Variants in SHBG observed in about 807,000 individuals in gnomAD.
SHBG encodes the protein sex hormone binding globulin.
SHBG carries 37 observed loss-of-function variants against 41.9 expected under a neutral mutation model. The ratio of observed to expected loss-of-function variants is 0.88; its 90% CI spans 0.68 to 1.16. The LOEUF is 1.16. SHBG is among the 50% of genes most tolerant of loss of function. SHBG has a pLI of 0.00. For missense variants in SHBG, 466 were observed against 499.9 expected, an observed-to-expected ratio of 0.93 and a Z score of 0.65; for synonymous variants, 217 against 205.8, an observed-to-expected ratio of 1.05 and a Z score of -0.47.
intron 1 of SHBG, among the ~76,000 whole-genome samples, chr17:7,616,569 G>A (rs2071995243): frequency 6.6e-6 from 1 of 151,702 alleles, no homozygotes; most frequent in Admixed American, 6.6e-5. Context: ...AGGTTGCAGT[G>A]AGCGGAGATC....
chr17:7,615,208 A>G (rs2071948800), intron 1 of SHBG, among the ~76,000 whole-genome samples: 1 of 151,764 alleles, frequency 6.6e-6, no homozygotes, highest in Non-Finnish European at 1.5e-5. Flanking sequence ...GCACAGTCAC[A>G]CAGCGCTCAG....
intron 1 of SHBG, among the ~76,000 whole-genome samples, chr17:7,616,890 T>C (rs1239322361): frequency 6.6e-6 from 1 of 151,926 alleles, no homozygotes; most frequent in African/African-American, 2.4e-5. Context: ...GAGCCCAGAT[T>C]GTGCCATTGC....
chr17:7,617,759 C>A (rs1401905375), intron 1 of SHBG, among the ~76,000 whole-genome samples: 3 of 152,074 alleles, frequency 2.0e-5, no homozygotes, highest in Non-Finnish European at 4.4e-5. Flanking sequence ...AGGATAAAAT[C>A]ATCTAAAATC....
In SHBG at chr17:7,630,381, C is replaced by T. The variant is rs773087285; in HGVS notation, c.112-35C>T. On this transcript the variant is annotated intron_variant, in intron 1 of 7. Transcript: ENST00000380450. The surrounding 1 kb of genome is among the most constrained non-coding windows in gnomAD (Gnocchi z 4.6). Reference sequence around the variant, plus strand: ...TCCCTCTGTCTGTCTCTGACATGTCCCTACTCAGCTTTGTTTGTTTTCTCT... The same window carrying T: ...TCCCTCTGTCTGTCTCTGACATGTCTCTACTCAGCTTTGTTTGTTTTCTCT... 1.2e-6 allele frequency: 2 copies of T among 1,600,824 alleles called. No homozygotes were observed. Among genetic ancestry groups the T allele is most frequent in the Non-Finnish European group, 1.7e-6 (2 of 1,167,950 alleles).
At chr17:7,620,352 T>A (rs1328790470) in intron 1 of SHBG, among the ~76,000 whole-genome samples, 2 of 152,104 alleles carry the variant, frequency 1.3e-5, no homozygotes, top group Non-Finnish European at 2.9e-5. Flanking sequence ...AGTCTTACTC[T>A]GTTGCCTAGG....
chr17:7,614,075 T>C (rs1225870513), exon 1 of SHBG: 1 of 485,796 alleles, frequency 2.1e-6, no homozygotes, highest in Non-Finnish European at 4.0e-6. Flanking sequence ...ATTCTCCATG[T>C]GCTTGGATCG....
upstream of SHBG, chr17:7,627,736 G>A (rs371440187): frequency 1.4e-5 from 19 of 1,384,424 alleles, no homozygotes; most frequent in South Asian, 2.1e-4. The surrounding 1 kb of genome is among the most constrained non-coding windows in gnomAD (Gnocchi z 4.8). Flanking sequence ...GCCTGAGAGA[G>A]CGGGGTGGCG....
At chr17:7,632,163 T>C in intron 6 of SHBG, 148 bp downstream of exon 6, 1 of 880,556 alleles carries the variant, frequency 1.1e-6, no homozygotes, top group Non-Finnish European at 1.8e-6. Context: ...TCATTAATAA[T>C]TAGCCAGGCA....
chr17:7,615,659 AC>A (rs2071969416), intron 1 of SHBG, among the ~76,000 whole-genome samples: 1 of 28,198 alleles, frequency 3.5e-5, no homozygotes. Flanking sequence ...CCCCCCCCCC[AC>A]CCCGCATCTA....
upstream of SHBG, among the ~76,000 whole-genome samples, chr17:7,625,480 G>A (rs1350536626): frequency 6.6e-6 from 1 of 151,918 alleles, no homozygotes; most frequent in African/African-American, 2.4e-5. Flanking sequence ...AGGAGGCTGA[G>A]GCAGGAGAAT....
At chr17:7,627,437 A>G (rs1216563522), upstream of SHBG, 1 of 1,613,842 alleles carries the variant, frequency 6.2e-7, no homozygotes. The surrounding 1 kb of genome is among the most constrained non-coding windows in gnomAD (Gnocchi z 4.8). Flanking sequence ...TACGGAAGCT[A>G]GATTAGAGCA....
chr17:7,627,105 G>T, upstream of SHBG: 1 of 1,613,036 alleles, frequency 6.2e-7, no homozygotes, highest in Non-Finnish European at 8.5e-7. The surrounding 1 kb of genome is among the most constrained non-coding windows in gnomAD (Gnocchi z 4.8). Flanking sequence ...TCTGAGGCCG[G>T]CTGGAGAGGT....
intron 1 of SHBG, among the ~76,000 whole-genome samples, chr17:7,621,613 A>T: frequency 6.6e-6 from 1 of 150,566 alleles, no homozygotes. Flanking sequence ...AAAAAAAAAA[A>T]AAAAAAAAAA....
At chr17:7,615,106 C>T (rs866411016) in intron 1 of SHBG, among the ~76,000 whole-genome samples, 1 of 152,270 alleles carries the variant, frequency 6.6e-6, no homozygotes, top group South Asian at 2.1e-4. Flanking sequence ...CCAGCCACCC[C>T]GTCTCTTCCT....
chr17:7,620,387 GC>G (rs2072069691), intron 1 of SHBG, among the ~76,000 whole-genome samples: 1 of 152,138 alleles, frequency 6.6e-6, no homozygotes, highest in South Asian at 2.1e-4. Context: ...CACGATGTTG[GC>G]TCACTGCAAC....
chr17:7,631,200 G>A lies in SHBG; in HGVS notation c.394G>A (p.Val132Met). Reference protein sequence around the residue: ...PRLDDGRWHQVEVKMEGDSVL... With the variant: ...PRLDDGRWHQMEVKMEGDSVL... ...GATTTTGCTTCCCACCTTCCTGCAGGTGGAAGTCAAGATGGAGGGGGACTC... is the reference window on the plus strand; with the variant it reads ...GATTTTGCTTCCCACCTTCCTGCAGATGGAAGTCAAGATGGAGGGGGACTC... Residue 132 changes from valine (V) to methionine (M), a missense_variant and splice_region_variant, in exon 4 of 8, where the codon GTG becomes ATG. Physicochemically the swap from Val to Met is conservative, Grantham distance 21. Coordinates refer to ENST00000380450, the MANE Select transcript of SHBG (RefSeq NM_001040.5). The A allele has an allele frequency of 4.5e-6, 7 of 1,552,456 alleles. No individual in the cohort carries two copies. The highest frequency in any genetic ancestry group is 6.1e-6 in the Non-Finnish European group (7 of 1,147,700).
upstream of SHBG, chr17:7,630,074 C>T (rs934182588): frequency 1.5e-5 from 15 of 1,013,074 alleles, 1 homozygote; most frequent in East Asian, 4.7e-5. This position sits in a 1 kb window ranked among gnomAD's most constrained non-coding sequence, Gnocchi z 4.6. Flanking sequence ...CCCTCCTCCC[C>T]GGGCAACCTT....
chr17:7,620,405 C>T (rs1378637431), intron 1 of SHBG, among the ~76,000 whole-genome samples: 1 of 152,208 alleles, frequency 6.6e-6, no homozygotes, highest in Non-Finnish European at 1.5e-5. Context: ...CAACCCCTGC[C>T]TCCCGGGTTC....
At position 7,630,951 on chromosome 17, in the gene SHBG, CTCTACCACTGTCATCTCG is replaced by C; in HGVS notation, c.393+84_393+101del. 1 of 1,314,814 alleles carries C rather than the reference CTCTACCACTGTCATCTCG, an allele frequency of 7.6e-7. No homozygotes were observed. Among genetic ancestry groups the C allele is most frequent in the Non-Finnish European group, 1.1e-6 (1 of 923,196 alleles). 81.4% of individuals were successfully genotyped at this position (1,314,814 alleles called of 1,614,324 possible). ...AACAAAACCAAGTTATTGGGCATCCCTCTACCACTGTCATCTCGTTTAATCCACACGAACCCCCACAAA... is the reference window on the plus strand; with the variant it reads ...AACAAAACCAAGTTATTGGGCATCCCTTTAATCCACACGAACCCCCACAAA... On this transcript the variant is annotated intron_variant, in intron 3 of 7. Transcript: ENST00000380450. The surrounding 1 kb of genome is among the most constrained non-coding windows in gnomAD (Gnocchi z 4.6).
Sources: gnomAD v4.1 joint callset for allele counts (sites outside exome capture counted in the v4.1 genomes callset) on GRCh38, gnomAD v4.1.1 for gene constraint, Gnocchi (gnomAD v3.1) non-coding constraint, MANE v1.5 for transcripts, NCBI Gene and HGNC (gene_info 2026-07-23, HGNC 2026-07-21) for gene names.